Variants in PARP6 observed in about 807,000 individuals in gnomAD.
PARP6 encodes poly(ADP-ribose) polymerase family member 6, also known as protein mono-ADP-ribosyltransferase PARP6.
Under a neutral mutation model 92.0 loss-of-function variants are expected in PARP6, and 27 were observed. The ratio of observed to expected loss-of-function variants is 0.29; its 90% CI spans 0.22 to 0.40. The LOEUF (loss-of-function observed/expected upper bound fraction) is 0.40. Among genes scored for constraint, PARP6 ranks in the 10% least tolerant of loss-of-function variants. The probability of loss-of-function intolerance (pLI) is 1.00; values close to 1 mark genes in which losing one functional copy is unlikely to be tolerated. For missense variants in PARP6, 501 were observed against 784.5 expected (o/e 0.64, Z 4.32); for synonymous variants, 272 against 281.2 (o/e 0.97, Z 0.33).
Position 72,267,689 on chromosome 15 carries a change from T to C in PARP6, c.-194-18A>G, listed in dbSNP as rs2086780911. 1 of 569,564 alleles carries C rather than the reference T, an allele frequency of 1.8e-6. No homozygotes were observed. Among genetic ancestry groups the C allele is most frequent in the East Asian group, 2.9e-5 (1 of 35,044 alleles). The allele number at this position is 569,564 out of a possible 1,614,324, so 35.3% of individuals were successfully genotyped here. On this transcript the variant is annotated intron_variant, in intron 2 of 23. Coordinates refer to ENST00000569795, the MANE Select transcript of PARP6 (RefSeq NM_001323532.2). ...TCACTGTCCTGTGGAAAGTAGATAATAATGGGTTTCATCACCACTTAATAG... is the reference window on the plus strand; with the variant it reads ...TCACTGTCCTGTGGAAAGTAGATAACAATGGGTTTCATCACCACTTAATAG...
intron 10 of PARP6, 130 bp downstream of exon 10, chr15:72,260,348 T>C: frequency 2.8e-6 from 2 of 711,528 alleles, no homozygotes; most frequent in Non-Finnish European, 4.9e-6. Context: ...TACTCACTCA[T>C]GGTACATACC....
chr15:72,266,641 C>A, intron 4 of PARP6, 104 bp downstream of exon 4: 1 of 826,604 alleles, frequency 1.2e-6, no homozygotes, highest in Non-Finnish European at 2.1e-6. Context: ...ACATTATAAC[C>A]TCATCTCATC....
intron 2 of PARP6, 47 bp downstream of exon 2, chr15:72,270,976 T>TA (rs1242656090): frequency 6.6e-6 from 1 of 152,144 alleles, no homozygotes; most frequent in East Asian, 1.9e-4. Context: ...TTTCTACACA[T>TA]AGACAAAAAT....
chr15:72,269,951 C>T (rs889155384), intron 2 of PARP6, among the ~76,000 whole-genome samples: 1 of 151,302 alleles, frequency 6.6e-6, no homozygotes, highest in African/African-American at 2.4e-5. Context: ...AGAAATTGGA[C>T]CCAGTAATCT....
At position 72,254,397 on chromosome 15, in the gene PARP6, G is replaced by T. The variant is rs543455860; in HGVS notation, c.1191+58C>A. 455 of 1,233,542 alleles carry T rather than the reference G, an allele frequency of 3.7e-4. 7 individuals carry two copies. In the South Asian group the frequency reaches 4.8e-3, roughly 13 times the overall value. The allele number at this position is 1,233,542 out of a possible 1,614,324, so 76.4% of individuals were successfully genotyped here. A position where few individuals can be genotyped will look rare whatever the true frequency, so the allele number is the denominator to read the frequency against. The stretch of plus-strand genomic sequence containing the variant: ...ATCCCACTCCCACAAATTACCAACA[G>T]AATAGGACACTTGAACTGGGCAGGC... On this transcript the variant is annotated intron_variant, in intron 15 of 23. Transcript: ENST00000569795.
chr15:72,241,976 G>T lies in PARP6; in HGVS notation c.1715C>A (p.Ser572Tyr). The stretch of plus-strand genomic sequence containing the variant: ...GTTCCCATGCTTCTGGAGGTCCTTA[G>T]ATGTAATCACTGGGAGAAAGAGGGC... ...NCIALCEVITSKDLQKHGNIW... is the reference protein window; with the variant it reads ...NCIALCEVITYKDLQKHGNIW... Residue 572 changes from serine to tyrosine, a missense_variant, in exon 23 of 24, where the codon TCT becomes TAT. Physicochemically the swap from Ser to Tyr is moderately radical, Grantham distance 144. Transcript: ENST00000569795. This position sits in a 1 kb window ranked among gnomAD's most constrained non-coding sequence, Gnocchi z 4.1. The T allele has an allele frequency of 6.2e-7, 1 of 1,611,928 alleles. No individual in the cohort carries two copies. The highest frequency in any genetic ancestry group is 1.1e-5 in the South Asian group (1 of 91,052).
intron 17 of PARP6, 87 bp downstream of exon 17, chr15:72,251,120 C>G: frequency 9.7e-7 from 1 of 1,028,194 alleles, no homozygotes; most frequent in Non-Finnish European, 1.5e-6. Flanking sequence ...GTAGGCAGAT[C>G]TAGGACCAAT....
chr15:72,254,404 A>T, intron 15 of PARP6, 51 bp downstream of exon 15: 6 of 1,262,658 alleles, frequency 4.8e-6, no homozygotes, highest in Non-Finnish European at 7.0e-6. Flanking sequence ...ACAGAATAGG[A>T]CACTTGAACT....
At chr15:72,245,332 C>T in intron 20 of PARP6, 1 of 152,264 alleles carries the variant, frequency 6.6e-6, no homozygotes, top group Non-Finnish European at 1.5e-5. Context: ...CACTGCACTC[C>T]AGCCTGGGCG....
At chr15:72,260,837 A>C (rs2085776779) in intron 9 of PARP6, 149 bp from the exon 10 acceptor site, 10 of 669,126 alleles carry the variant, frequency 1.5e-5, no homozygotes, top group Non-Finnish European at 2.4e-5. Context: ...TATCTTAAAC[A>C]CTATTAAAAC....
chr15:72,266,796 A>C lies in PARP6; in HGVS notation c.30T>G (p.Asp10Glu). Residue 10 changes from aspartate (D) to glutamate (E), a missense_variant, in exon 4 of 24, where the codon GAT becomes GAG. This residue lies in a region of PARP6 where 291 missense variants were observed against 352.0 expected (regional missense o/e 0.83). Coordinates refer to ENST00000569795, the MANE Select transcript of PARP6 (RefSeq NM_001323532.2). MDIKGQFWN[D>E]DDSEGDNESE... ...ATTCATTATCTCCCTCCGAGTCGTC[A>C]TCATTCCAGAACTGGCCTTTGATGT... 1 of 1,614,130 alleles carries C rather than the reference A, an allele frequency of 6.2e-7. No homozygotes were observed. The highest frequency in any genetic ancestry group is 1.3e-5 in the African/African-American group (1 of 75,058).
In PARP6 at chr15:72,266,828, G is replaced by A. The variant is rs982744625; in HGVS notation, c.4-6C>T. Reference sequence around the variant, plus strand: ...CAGAACTGGCCTTTGATGTCCTAGTGGTGAGAAATAAGGATATCATGCTTT... The same window carrying A: ...CAGAACTGGCCTTTGATGTCCTAGTAGTGAGAAATAAGGATATCATGCTTT... On this transcript the variant is annotated splice_region_variant and splice_polypyrimidine_tract_variant and intron_variant, in intron 3 of 23. Transcript: ENST00000569795. The A allele has an allele frequency of 1.2e-6, 2 of 1,608,542 alleles. No homozygotes were observed. Among genetic ancestry groups the A allele is most frequent in the Non-Finnish European group, 1.7e-6 (2 of 1,175,060 alleles).
intron 16 of PARP6, 140 bp from the exon 17 acceptor site, chr15:72,251,395 G>A (rs901050910): frequency 3.5e-6 from 2 of 572,434 alleles, no homozygotes; most frequent in South Asian, 2.1e-5. Context: ...AAATGTCAAG[G>A]TCACTATCTG....
chr15:72,264,714 A>C (rs922095353), intron 7 of PARP6, 93 bp from the exon 8 acceptor site: 2 of 956,556 alleles, frequency 2.1e-6, no homozygotes, highest in Non-Finnish European at 3.3e-6. Flanking sequence ...CATTCTAAAG[A>C]TCATAGCTGC....
At chr15:72,267,908 C>T (rs1015863394) in intron 2 of PARP6, among the ~76,000 whole-genome samples, 1 of 152,128 alleles carries the variant, frequency 6.6e-6, no homozygotes, top group Admixed American at 6.5e-5. Flanking sequence ...CCTGCTGCCA[C>T]GCCCAGCTAA....
chr15:72,249,760 G>A (rs2084091198), intron 19 of PARP6, among the ~76,000 whole-genome samples: 1 of 152,146 alleles, frequency 6.6e-6, no homozygotes, highest in Non-Finnish European at 1.5e-5. Context: ...CATCACAGTG[G>A]CTACAATCAG....
At chr15:72,252,455 T>C (rs543105184) in intron 16 of PARP6, among the ~76,000 whole-genome samples, 1 of 152,272 alleles carries the variant, frequency 6.6e-6, no homozygotes, top group Admixed American at 6.5e-5. Flanking sequence ...AATGTACACA[T>C]ATTTCAAAAC....
At chr15:72,259,740 C>A in intron 10 of PARP6, 79 bp from the exon 11 acceptor site, 1 of 1,212,936 alleles carries the variant, frequency 8.2e-7, no homozygotes, top group South Asian at 1.3e-5. Flanking sequence ...TGCCTATCAC[C>A]TAGGACTCTC....
intron 20 of PARP6, among the ~76,000 whole-genome samples, chr15:72,246,499 A>T (rs2083621795): frequency 6.6e-6 from 1 of 152,176 alleles, no homozygotes; most frequent in Non-Finnish European, 1.5e-5. Context: ...CAATCAAAGA[A>T]CTAAATTCTA....
Sources: allele counts gnomAD v4.1 joint callset (sites outside exome capture counted in the v4.1 genomes callset), GRCh38; gene constraint gnomAD v4.1.1; regional missense constraint gnomAD v4.1.1; non-coding constraint Gnocchi (gnomAD v3.1); transcripts MANE v1.5; gene names NCBI Gene and HGNC (gene_info 2026-07-23, HGNC 2026-07-21).